Variants in IL1RAPL2 observed in about 807,000 individuals in gnomAD.
The protein encoded by IL1RAPL2 is interleukin 1 receptor accessory protein like 2.
Under a neutral mutation model 44.1 loss-of-function variants are expected in IL1RAPL2, and 3 were observed. The observed-to-expected ratio is 0.07, with a 90% CI of 0.03 to 0.18. The LOEUF is 0.18. Ranked by LOEUF, IL1RAPL2 falls within the 10% of genes least tolerant of loss-of-function variation. The probability of loss-of-function intolerance (pLI) is 1.00; values close to 1 mark genes in which losing one functional copy is unlikely to be tolerated. For missense variants in IL1RAPL2, 391 were observed against 496.4 expected, an observed-to-expected ratio of 0.79 and a Z score of 2.02; for synonymous variants, 181 against 178.8, an observed-to-expected ratio of 1.01 and a Z score of -0.10.
chrX:104,649,314 T>C (rs1027969687), intron 1 of IL1RAPL2, among the ~76,000 whole-genome samples: 4 of 111,865 alleles, frequency 3.6e-5, no homozygotes, highest in Non-Finnish European at 5.6e-5. Flanking sequence ...AGGCTAGATA[T>C]AGGAATGCTG....
chrX:105,520,406 CTT>C (rs2036546464), intron 6 of IL1RAPL2, among the ~76,000 whole-genome samples: 1 of 111,821 alleles, frequency 8.9e-6, no homozygotes, highest in Non-Finnish European at 1.9e-5. Flanking sequence ...TTAATTACGA[CTT>C]ATCATAGATT....
At chrX:105,164,846 TA>T (rs1159153546) in intron 2 of IL1RAPL2, among the ~76,000 whole-genome samples, 4 of 112,238 alleles carry the variant, frequency 3.6e-5, no homozygotes, top group African/African-American at 1.3e-4. Context: ...TTGTGAGGCT[TA>T]GGGAGAGATT....
chrX:105,291,153 T>A (rs1327842875), intron 5 of IL1RAPL2, among the ~76,000 whole-genome samples: 3 of 111,845 alleles, frequency 2.7e-5, no homozygotes, highest in African/African-American at 9.7e-5. Context: ...GAGAATTGAG[T>A]TTGTTGGAAG....
At chrX:105,019,107 T>C (rs1214497337) in intron 2 of IL1RAPL2, among the ~76,000 whole-genome samples, 2 of 111,959 alleles carry the variant, frequency 1.8e-5, no homozygotes, top group Non-Finnish European at 3.8e-5. Context: ...GTTCTCTATT[T>C]TTAGTCAATT....
intron 1 of IL1RAPL2, among the ~76,000 whole-genome samples, chrX:104,631,770 A>T (rs1037474653): frequency 9.1e-6 from 1 of 110,357 alleles, no homozygotes; most frequent in African/African-American, 3.3e-5. Context: ...GATTGCAAAA[A>T]TTTTCTCCCA....
At chrX:105,045,800 A>G (rs1367300670) in intron 2 of IL1RAPL2, among the ~76,000 whole-genome samples, 1 of 111,112 alleles carries the variant, frequency 9.0e-6, no homozygotes, top group Non-Finnish European at 1.9e-5. Context: ...TGGCCTCAAG[A>G]AATCCTCCTG....
intron 2 of IL1RAPL2, among the ~76,000 whole-genome samples, chrX:104,668,486 C>T (rs975968021): frequency 2.4e-5 from 2 of 82,284 alleles, no homozygotes; most frequent in Non-Finnish European, 4.6e-5. Flanking sequence ...CTCCCCCCAC[C>T]GCACAACAGT....
intron 2 of IL1RAPL2, among the ~76,000 whole-genome samples, chrX:105,029,767 A>T (rs748370338): frequency 5.7e-4 from 64 of 111,372 alleles, no homozygotes; most frequent in African/African-American, 2.0e-3. Flanking sequence ...GTATATACCC[A>T]GTAATGGGCT....
At chrX:105,720,107 G>A (rs146490698) in intron 7 of IL1RAPL2, among the ~76,000 whole-genome samples, 1,126 of 111,673 alleles carry the variant, frequency 0.01, 11 homozygotes, top group African/African-American at 0.035. Flanking sequence ...AAAGCTCAGA[G>A]ATATGTTTTG....
chrX:104,937,694 C>T (rs1925061094), intron 2 of IL1RAPL2, among the ~76,000 whole-genome samples: 1 of 111,944 alleles, frequency 8.9e-6, no homozygotes, highest in Non-Finnish European at 1.9e-5. Flanking sequence ...GTTATAATAC[C>T]AATCAAGGTG....
intron 2 of IL1RAPL2, among the ~76,000 whole-genome samples, chrX:105,034,219 C>G (rs1468053846): frequency 8.9e-6 from 1 of 112,169 alleles, no homozygotes; most frequent in Non-Finnish European, 1.9e-5. Flanking sequence ...CTTCTCCTCT[C>G]AACTCGTCAA....
chrX:105,591,256 G>A (rs1308080128), intron 6 of IL1RAPL2, among the ~76,000 whole-genome samples: 1 of 108,154 alleles, frequency 9.2e-6, no homozygotes, highest in African/African-American at 3.4e-5. Context: ...TAGGGTTGGT[G>A]GTAATGTTTC....
intron 6 of IL1RAPL2, among the ~76,000 whole-genome samples, chrX:105,539,039 T>C (rs1005358370): frequency 2.6e-4 from 29 of 110,492 alleles, no homozygotes; most frequent in African/African-American, 9.2e-4. Flanking sequence ...AAATCAGAGA[T>C]GACACAAACA....
At chrX:105,226,385 C>CTTTTTTTTTTTTTTTTTTTT (rs35192051) in intron 3 of IL1RAPL2, among the ~76,000 whole-genome samples, 9 of 53,328 alleles carry the variant, frequency 1.7e-4, no homozygotes, top group African/African-American at 8.6e-4. Context: ...TTTCTTTTCC[C>CTTTTTTTTTTTTTTTTTTTT]TTTTTTTTTT....
intron 2 of IL1RAPL2, among the ~76,000 whole-genome samples, chrX:105,146,039 A>ATC (rs999472205): frequency 1.8e-5 from 2 of 111,524 alleles, no homozygotes; most frequent in African/African-American, 6.5e-5. Flanking sequence ...AGAAGGCACC[A>ATC]TCTATGAAGC....
At position 104,729,984 on chromosome X, in the gene IL1RAPL2, C is replaced by T. The variant is rs148567089; in HGVS notation, c.82+70989C>T. Among the ~76,000 whole-genome samples, 725 of 110,023 alleles carry T rather than the reference C, an allele frequency of 6.6e-3. 3 individuals are homozygous for T. Among genetic ancestry groups the T allele is most frequent in the African/African-American group, 0.022 (672 of 30,248 alleles). ...AAAGAGATGGATGAGAAATATCAAC[C>T]GAAAGAAAGCCAGCATTACAATGAT... is the stretch of plus-strand genomic sequence containing the variant. On this transcript the variant is annotated intron_variant, in intron 2 of 10. Transcript: ENST00000372582.
At chrX:104,833,853 T>C (rs1367535584) in intron 2 of IL1RAPL2, among the ~76,000 whole-genome samples, 1 of 112,355 alleles carries the variant, frequency 8.9e-6, no homozygotes, top group Non-Finnish European at 1.9e-5. Context: ...AGAATCAACA[T>C]TGCTATGTTT....
At chrX:105,674,695 A>G (rs2037853867) in intron 6 of IL1RAPL2, among the ~76,000 whole-genome samples, 1 of 111,932 alleles carries the variant, frequency 8.9e-6, no homozygotes, top group South Asian at 3.7e-4. Context: ...AATTCTGTGA[A>G]GAATGTCAAT....
chrX:104,736,125 C>T (rs1485385198), intron 2 of IL1RAPL2, among the ~76,000 whole-genome samples: 2 of 111,699 alleles, frequency 1.8e-5, no homozygotes, highest in Non-Finnish European at 3.8e-5. Context: ...CCCTGCAACA[C>T]TCAATCCAAA....
Sources: allele counts gnomAD v4.1 joint callset (sites outside exome capture counted in the v4.1 genomes callset), GRCh38; gene constraint gnomAD v4.1.1; transcripts MANE v1.5; gene names NCBI Gene and HGNC (gene_info 2026-07-23, HGNC 2026-07-21).